Variants in ARL15 observed in about 807,000 individuals in gnomAD.
ARL15 encodes the protein ADP-ribosylation factor-like protein 15.
A neutral mutation model predicts 25.2 loss-of-function variants in ARL15; 19 were observed. That is an observed-to-expected ratio of 0.75 (90% CI 0.53 to 1.10). The LOEUF is 1.10. Among genes scored for constraint, ARL15 ranks in the 50% least tolerant of loss-of-function variants. ARL15 has a pLI of 0.00. For missense variants in ARL15, 220 were observed against 246.0 expected (o/e 0.89, Z 0.71); for synonymous variants, 94 against 86.8 (o/e 1.08, Z -0.46).
chr5:54,282,297 C>T, intron 1 of ARL15: 4 of 985,380 alleles, frequency 4.1e-6, no homozygotes, highest in Non-Finnish European at 4.8e-6. Flanking sequence ...CTACAAACAG[C>T]AAATGAGATC....
intron 4 of ARL15, among the ~76,000 whole-genome samples, chr5:53,926,949 TAAAA>T (rs76965646): frequency 3.7e-5 from 5 of 136,130 alleles, no homozygotes; most frequent in South Asian, 2.3e-4. Flanking sequence ...CCTTTTTTTT[TAAAA>T]AAAAAAAATA....
At chr5:54,200,324 AAAAT>A (rs1311253673) in intron 1 of ARL15, among the ~76,000 whole-genome samples, 88 of 151,240 alleles carry the variant, frequency 5.8e-4, no homozygotes, top group African/African-American at 2.0e-3. Flanking sequence ...AAAAAAGAAA[AAAAT>A]AAATAAAAAA....
rs561475505 is a variant in ARL15 at position 54,087,047 on chromosome 5, C to T, written c.462+26155G>A. ...TAAGCAGAAGTAAGGTGTTTAAGAACTCAGAGTCACTGGGCGTGGTGGCTC... is the reference window on the plus strand; with the variant it reads ...TAAGCAGAAGTAAGGTGTTTAAGAATTCAGAGTCACTGGGCGTGGTGGCTC... On this transcript the variant is annotated intron_variant, in intron 4 of 4. Transcript: ENST00000504924. Among the ~76,000 whole-genome samples, 3 of 152,156 alleles carry T rather than the reference C, an allele frequency of 2.0e-5. No homozygotes were observed. The East Asian group carries it at 5.8e-4, about 29-fold the overall frequency.
chr5:54,097,988 T>C (rs992082590), intron 4 of ARL15, among the ~76,000 whole-genome samples: 1 of 152,136 alleles, frequency 6.6e-6, no homozygotes, highest in Non-Finnish European at 1.5e-5. Flanking sequence ...GGGTCGAACA[T>C]AGGGCATAAA....
chr5:53,942,950 T>A (rs1746593654), intron 4 of ARL15, among the ~76,000 whole-genome samples: 2 of 152,084 alleles, frequency 1.3e-5, no homozygotes, highest in South Asian at 4.1e-4. Context: ...GCGTAGTAGT[T>A]GAGTCATGAG....
intron 4 of ARL15, among the ~76,000 whole-genome samples, chr5:54,032,972 C>T (rs1387543487): frequency 2.0e-5 from 3 of 149,854 alleles, no homozygotes; most frequent in Non-Finnish European, 3.0e-5. Flanking sequence ...TATATATGTA[C>T]ATATATAAGT....
intron 4 of ARL15, among the ~76,000 whole-genome samples, chr5:53,908,712 G>C (rs1001271628): frequency 4.6e-5 from 7 of 152,120 alleles, no homozygotes; most frequent in African/African-American, 1.7e-4. Flanking sequence ...TGCAACTTTA[G>C]GGTCATGCTG....
At chr5:53,971,482 CA>C (rs1747746110) in intron 4 of ARL15, among the ~76,000 whole-genome samples, 1 of 152,016 alleles carries the variant, frequency 6.6e-6, no homozygotes, top group African/African-American at 2.4e-5. Context: ...CAGAAGTGAC[CA>C]ATGCTATCTC....
intron 2 of ARL15, among the ~76,000 whole-genome samples, chr5:54,169,092 CA>C (rs976269703): frequency 9.2e-5 from 14 of 152,008 alleles, no homozygotes; most frequent in African/African-American, 3.4e-4. Flanking sequence ...GACTAGTGCA[CA>C]ATTCTGGTAA....
chr5:54,299,093 G>A lies in ARL15; in HGVS notation c.48+11339C>T, dbSNP rs1579992570. 2.0e-5 allele frequency among the ~76,000 whole-genome samples: 3 copies of A among 151,840 alleles called. No individual in the cohort carries two copies. In the South Asian group the frequency reaches 6.2e-4, roughly 32 times the overall value. ...TATCTTATTTTTTTGTAGAGACAGG[G>A]GTCTCACTATGTTGCCCAGTCTAGT... On this transcript the variant is annotated intron_variant, in intron 1 of 4. Coordinates refer to ENST00000504924, the MANE Select transcript of ARL15 (RefSeq NM_019087.3).
At chr5:53,964,569 C>T (rs1053446486) in intron 4 of ARL15, among the ~76,000 whole-genome samples, 2 of 152,088 alleles carry the variant, frequency 1.3e-5, no homozygotes, top group Non-Finnish European at 2.9e-5. Flanking sequence ...ACCGTGTTAG[C>T]CAGGATGGTC....
At chr5:54,276,279 T>C (rs1022172041) in intron 1 of ARL15, among the ~76,000 whole-genome samples, 2 of 152,146 alleles carry the variant, frequency 1.3e-5, no homozygotes, top group Non-Finnish European at 2.9e-5. Context: ...TGACAATAAA[T>C]GCTTATGTTG....
chr5:54,293,067 G>C (rs544505651), intron 1 of ARL15, among the ~76,000 whole-genome samples: 2 of 152,304 alleles, frequency 1.3e-5, no homozygotes, highest in East Asian at 1.9e-4. Flanking sequence ...CATGCTGCCA[G>C]AGTAACTTGG....
At chr5:54,180,590 T>C (rs1201445601) in intron 1 of ARL15, among the ~76,000 whole-genome samples, 2 of 152,234 alleles carry the variant, frequency 1.3e-5, no homozygotes, top group East Asian at 3.9e-4. Flanking sequence ...TTATAGAAGG[T>C]GGGTCAAACC....
intron 2 of ARL15, among the ~76,000 whole-genome samples, chr5:54,161,003 G>A (rs1421155286): frequency 6.6e-6 from 1 of 152,000 alleles, no homozygotes; most frequent in Non-Finnish European, 1.5e-5. Context: ...AAAGTACACT[G>A]TTATTCTTAT....
At chr5:53,993,143 T>C (rs1748561847) in intron 4 of ARL15, among the ~76,000 whole-genome samples, 2 of 152,204 alleles carry the variant, frequency 1.3e-5, no homozygotes, top group South Asian at 4.1e-4. Flanking sequence ...AAATGTGTCA[T>C]TTCACCTGAT....
intron 4 of ARL15, among the ~76,000 whole-genome samples, chr5:53,971,735 A>G (rs930641665): frequency 2.0e-5 from 3 of 152,190 alleles, no homozygotes; most frequent in African/African-American, 7.2e-5. Context: ...TGGCATACCT[A>G]CAGCTAGTAT....
intron 4 of ARL15, among the ~76,000 whole-genome samples, chr5:54,020,551 G>T (rs76905714): frequency 1.3e-5 from 2 of 152,224 alleles, no homozygotes; most frequent in South Asian, 2.1e-4. Flanking sequence ...TAGACAGAAG[G>T]TCTCAAAAAG....
chr5:54,055,420 G>A (rs1750837736), intron 4 of ARL15, among the ~76,000 whole-genome samples: 1 of 144,076 alleles, frequency 6.9e-6, no homozygotes, highest in South Asian at 2.2e-4. Flanking sequence ...GAGTGCTGTG[G>A]CGTGATCTTG....
Sources: gnomAD v4.1 joint callset for allele counts (sites outside exome capture counted in the v4.1 genomes callset) on GRCh38, gnomAD v4.1.1 for gene constraint, MANE v1.5 for transcripts, NCBI Gene and HGNC (gene_info 2026-07-23, HGNC 2026-07-21) for gene names.